Variants in ZNF587B observed in about 807,000 individuals in gnomAD.
ZNF587B encodes the protein zinc finger protein 587B.
Under a neutral mutation model 7.2 loss-of-function variants are expected in ZNF587B, and 6 were observed. The ratio of observed to expected loss-of-function variants is 0.83; its 90% confidence interval spans 0.46 to 1.65. ZNF587B has a LOEUF of 1.65. Among genes scored for constraint, ZNF587B ranks in the 40% most tolerant of loss-of-function variants. The pLI, the probability that ZNF587B is intolerant of heterozygous loss-of-function variation, is 0.01. For missense variants in ZNF587B, 749 were observed against 761.0 expected, an observed-to-expected ratio of 0.98 and a Z score of 0.19; for synonymous variants, 274 against 254.3, an observed-to-expected ratio of 1.08 and a Z score of -0.74.
At position 57,830,470 on chromosome 19, in the gene ZNF587B, C is replaced by T. The variant is rs761939982; in HGVS notation, c.-59C>T. Reference sequence around the variant, plus strand: ...CTGGGCCAGGATAGGGACCGTCATGCCCATATCTCCTGGCTGGTCACCCTC... The same window carrying T: ...CTGGGCCAGGATAGGGACCGTCATGTCCATATCTCCTGGCTGGTCACCCTC... On this transcript the variant is annotated 5_prime_UTR_variant, in exon 1 of 3. Coordinates refer to ENST00000594901, the MANE Select transcript of ZNF587B (RefSeq NM_001376223.1). The T allele has an allele frequency of 1.4e-4, 210 of 1,537,948 alleles. No individual in the cohort carries two copies. The highest frequency in any genetic ancestry group is 1.8e-4 in the Non-Finnish European group (200 of 1,139,134).
intron 2 of ZNF587B, 49 bp downstream of exon 2, chr19:57,839,198 C>T (rs1305024851): frequency 6.2e-7 from 1 of 1,605,188 alleles, no homozygotes; most frequent in African/African-American, 1.3e-5. Flanking sequence ...TCTGTTTTCC[C>T]CTGTCTTTCC....
In ZNF587B at chr19:57,841,328, T is replaced by A. The variant is rs532492713; in HGVS notation, c.654T>A (p.Asp218Glu). 206 of 1,610,078 alleles carry A rather than the reference T, an allele frequency of 1.3e-4. 1 individual carries two copies. Among genetic ancestry groups the A allele is most frequent in the African/African-American group, 3.2e-4 (24 of 74,962 alleles). The part of the protein sequence containing the change: ...QCGGAHYSHG[D>E]SMKHFSTKHI... ...GGGGAGCTCACTATAGCCATGGAGA[T>A]TCCATGAAACATTTTAGCACCAAAC... The change falls in exon 3 of 3, where the codon GAT becomes GAA. Residue 218 changes from aspartate to glutamate, a missense_variant. Around this residue, in one of 3 missense-constraint regions of ZNF587B, gnomAD observed 656 missense variants for 596.5 expected, o/e 1.10. Transcript: ENST00000594901.
chr19:57,832,186 A>G (rs1007063374), intron 1 of ZNF587B, among the ~76,000 whole-genome samples: 3 of 151,882 alleles, frequency 2.0e-5, no homozygotes, highest in African/African-American at 4.8e-5. Context: ...TCCCGGGTTC[A>G]TGCCATTCTC....
rs776774464 is a variant in ZNF587B at position 57,841,160 on chromosome 19, G to C, written c.486G>C (p.Lys162Asn). 8.7e-6 allele frequency: 14 copies of C among 1,614,236 alleles called. No homozygotes were observed. The highest frequency in any genetic ancestry group is 9.3e-6 in the Non-Finnish European group (11 of 1,180,058). The change falls in exon 3 of 3, where the codon AAG becomes AAC. Residue 162 changes from lysine to asparagine, a missense_variant. Lys to Asn is a moderately conservative substitution (Grantham distance 94). Around this residue, in one of 3 missense-constraint regions of ZNF587B, gnomAD observed 656 missense variants for 596.5 expected, o/e 1.10. Coordinates refer to ENST00000594901, the MANE Select transcript of ZNF587B (RefSeq NM_001376223.1). Reference sequence around the variant, plus strand: ...AGGCGTTGTTTGTGAAGAGGTGTAAGTTGCATGTGTCAGGGGAGTCATCTG... The same window carrying C: ...AGGCGTTGTTTGTGAAGAGGTGTAACTTGCATGTGTCAGGGGAGTCATCTG... The part of the protein sequence containing the change: ...VEEALFVKRC[K>N]LHVSGESSVF...
rs1384593917 is a variant in ZNF587B at position 57,842,189 on chromosome 19, C to T, written c.1515C>T (p.His505=). The part of the protein sequence containing the change: ...ACEACQKFFR[H]KCHLTAHQRV... Reference sequence around the variant, plus strand: ...AGGCTTGTCAGAAATTTTTTAGGCACAAGTGCCACCTCACTGCACACCAGA... The same window carrying T: ...AGGCTTGTCAGAAATTTTTTAGGCATAAGTGCCACCTCACTGCACACCAGA... Residue 505 remains histidine (H), a synonymous_variant, in exon 3 of 3, where the codon CAC becomes CAT. Transcript: ENST00000594901. The T allele has an allele frequency of 1.2e-6, 2 of 1,612,998 alleles. No individual in the cohort carries two copies. The highest frequency in any genetic ancestry group is 3.3e-5 in the Admixed American group (2 of 59,816).
rs771371494 is a variant in ZNF587B at position 57,843,600 on chromosome 19, G to GTTTTTTTTTTTT, written c.*1033_*1044dup. On this transcript the variant is annotated 3_prime_UTR_variant, in exon 3 of 3. Transcript: ENST00000594901. ...GTTGGTTGGTTGGTTGTTTTTTTTT[G>GTTTTTTTTTTTT]TTTTTTTTTTTTTTTTTTTTGGAGA... The GTTTTTTTTTTTT allele has an allele frequency of 1.7e-4, 111 of 648,434 alleles. No homozygotes were observed. The highest frequency in any genetic ancestry group is 3.9e-4 in the East Asian group (2 of 5,072). 40.2% of individuals were successfully genotyped at this position (648,434 alleles called of 1,614,324 possible). A position where few individuals can be genotyped will look rare whatever the true frequency, so the allele number is the denominator to read the frequency against.
In ZNF587B at chr19:57,842,873, A is replaced by G; in HGVS notation, c.*297A>G. 1 of 985,466 alleles carries G rather than the reference A, an allele frequency of 1.0e-6. No individual in the cohort carries two copies. The highest frequency in any genetic ancestry group is 1.2e-6 in the Non-Finnish European group (1 of 829,940). 61.0% of individuals were successfully genotyped at this position (985,466 alleles called of 1,614,324 possible). On this transcript the variant is annotated 3_prime_UTR_variant, in exon 3 of 3. Transcript: ENST00000594901. ...CAAAACTCACAGGAGAGCTGTCACT[A>G]CGGAAATGCCTTTTGAATGTAATGT...
Position 57,830,557 on chromosome 19 carries a change from C to T in ZNF587B, c.29C>T (p.Ser10Phe). 2 of 1,550,194 alleles carry T rather than the reference C, an allele frequency of 1.3e-6. No homozygotes were observed. The highest frequency in any genetic ancestry group is 4.9e-5 in the East Asian group (2 of 41,034). Residue 10 changes from serine (S) to phenylalanine (F), a missense_variant, in exon 1 of 3, where the codon TCT becomes TTT. Physicochemically the swap from Ser to Phe is radical, Grantham distance 155 (BLOSUM62 -2). Coordinates refer to ENST00000594901, the MANE Select transcript of ZNF587B (RefSeq NM_001376223.1). MAVVATLRLSAQGTVTFEDV... is the reference protein window; with the variant it reads MAVVATLRLFAQGTVTFEDV... The stretch of plus-strand genomic sequence containing the variant: ...GCGGTGGTGGCCACGCTGAGGCTCT[C>T]TGCTCAGGTAATTGTGGTGCCTTCC...
At position 57,842,577 on chromosome 19, in the gene ZNF587B, G is replaced by A. The variant is rs764049159; in HGVS notation, c.*1G>A. ...AGTTCATGAAAGAAAGGCCTTATGA[G>A]TGCAGAGAATGAGTCCAGTCTCATT... On this transcript the variant is annotated 3_prime_UTR_variant, in exon 3 of 3. Coordinates refer to ENST00000594901, the MANE Select transcript of ZNF587B (RefSeq NM_001376223.1). 4 of 1,505,118 alleles carry A rather than the reference G, an allele frequency of 2.7e-6. No homozygotes were observed. The highest frequency in any genetic ancestry group is 3.5e-6 in the Non-Finnish European group (4 of 1,133,498). 93.2% of individuals were successfully genotyped at this position (1,505,118 alleles called of 1,614,324 possible).
At chr19:57,838,354 G>T (rs1181883490) in intron 1 of ZNF587B, among the ~76,000 whole-genome samples, 7 of 151,948 alleles carry the variant, frequency 4.6e-5, no homozygotes, top group Admixed American at 6.6e-5. Flanking sequence ...TGTAATCCCA[G>T]TACTTTGGGA....
chr19:57,831,993 A>C (rs1988424255), intron 1 of ZNF587B, among the ~76,000 whole-genome samples: 7 of 152,154 alleles, frequency 4.6e-5, no homozygotes. Context: ...GACGTGAGCC[A>C]CCGTGCCTGG....
At chr19:57,831,643 C>T (rs548295401) in intron 1 of ZNF587B, among the ~76,000 whole-genome samples, 2 of 152,254 alleles carry the variant, frequency 1.3e-5, no homozygotes, top group South Asian at 4.1e-4. Flanking sequence ...ATTCACCTGC[C>T]TCGGCCTCCC....
chr19:57,841,283 T>C lies in ZNF587B; in HGVS notation c.609T>C (p.Cys203=). 6.2e-7 allele frequency: 1 copy of C among 1,614,142 alleles called. No homozygotes were observed. Among genetic ancestry groups the C allele is most frequent in the Admixed American group, 1.7e-5 (1 of 59,982 alleles). The change falls in exon 3 of 3, where the codon TGT becomes TGC. Residue 203 remains cysteine, a synonymous_variant. Coordinates refer to ENST00000594901, the MANE Select transcript of ZNF587B (RefSeq NM_001376223.1). ...TGEKSNSKTE[C]VSPFQCGGAH... ...AGAAGTCAAACAGCAAAACTGAGTG[T>C]GTGTCTCCCTTTCAGTGTGGGGGAG...
At position 57,842,023 on chromosome 19, in the gene ZNF587B, A is replaced by G. The variant is rs1275005055; in HGVS notation, c.1349A>G (p.Lys450Arg). Reference sequence around the variant, plus strand: ...GAATGTGGGAAATGTTTTAGTCACAAGGGTAACCTCATTCTACACCAGCAT... The same window carrying G: ...GAATGTGGGAAATGTTTTAGTCACAGGGGTAACCTCATTCTACACCAGCAT... Reference protein sequence around the residue: ...CGECGKCFSHKGNLILHQHGH... With the variant: ...CGECGKCFSHRGNLILHQHGH... Residue 450 changes from lysine (K) to arginine (R), a missense_variant, in exon 3 of 3, where the codon AAG (lysine) becomes AGG (arginine). By Grantham distance (26) the Lys-to-Arg change is conservative. Around this residue, in one of 3 missense-constraint regions of ZNF587B, gnomAD observed 656 missense variants for 596.5 expected, o/e 1.10. Transcript: ENST00000594901. The G allele has an allele frequency of 5.6e-6, 9 of 1,596,164 alleles. No individual in the cohort carries two copies. The African/African-American group carries it at 8.1e-5, about 14-fold the overall frequency.
rs1334075302 is a variant in ZNF587B at position 57,840,962 on chromosome 19, G to A, written c.288G>A (p.Met96Ile). Residue 96 changes from methionine to isoleucine, a missense_variant, in exon 3 of 3, where the codon ATG (methionine) becomes ATA (isoleucine). Transcript: ENST00000594901. ...CCAAGAAGGCCCACCCCTGTGAGAT[G>A]TGTGGCCCGATCTTGGGAGACATTT... The part of the protein sequence containing the change: ...VSPKKAHPCE[M>I]CGPILGDILH... 5 of 1,591,666 alleles carry A rather than the reference G, an allele frequency of 3.1e-6. No individual in the cohort carries two copies. Among genetic ancestry groups the A allele is most frequent in the East Asian group, 2.2e-5 (1 of 44,558 alleles).
intron 1 of ZNF587B, among the ~76,000 whole-genome samples, chr19:57,837,595 C>T (rs1027387326): frequency 9.9e-5 from 15 of 152,116 alleles, no homozygotes; most frequent in Admixed American, 2.6e-4. Context: ...ACTACAGGTG[C>T]CCGCCACAAC....
intron 1 of ZNF587B, among the ~76,000 whole-genome samples, chr19:57,833,048 T>A (rs950009552): frequency 9.8e-5 from 15 of 152,306 alleles, no homozygotes; most frequent in Non-Finnish European, 1.8e-4. Flanking sequence ...ACTACATGGC[T>A]ATCGCCTGTG....
chr19:57,830,701 C>T (rs1568496531), intron 1 of ZNF587B, 137 bp downstream of exon 1: 7 of 1,018,442 alleles, frequency 6.9e-6, no homozygotes, highest in Admixed American at 2.2e-5. Context: ...ACTGTCAGGA[C>T]AGCCCTTTTG....
chr19:57,837,968 G>C (rs1988691005), intron 1 of ZNF587B, among the ~76,000 whole-genome samples: 1 of 152,104 alleles, frequency 6.6e-6, no homozygotes, highest in Admixed American at 6.6e-5. Context: ...GTAACCCTAG[G>C]GGGAGATTTC....
Sources: allele counts gnomAD v4.1 joint callset (sites outside exome capture counted in the v4.1 genomes callset), GRCh38; gene constraint gnomAD v4.1.1; regional missense constraint gnomAD v4.1.1; transcripts MANE v1.5; gene names NCBI Gene and HGNC (gene_info 2026-07-23, HGNC 2026-07-21).